APOBEC4: variants seen among roughly 807,000 people sequenced by gnomAD.
APOBEC4 encodes the protein putative deaminase APOBEC-4.
For synonymous variants in APOBEC4, 141 were observed against 154.2 expected (o/e 0.91, Z 0.63); for missense variants, 375 against 441.2 (o/e 0.85, Z 1.34).
rs2101992295 is a variant in APOBEC4, at chr1:183,648,644, T to A, written c.138A>T (p.Thr46=). The change falls in exon 2 of 2, where the codon ACA becomes ACT. Residue 46 remains threonine (T), a synonymous_variant. Transcript: ENST00000308641. ...GGAATCCAAAAATCTGACAAAATTC[T>A]GTGAGGGAAACTCTTGCTTCTTCAC... The part of the protein sequence containing the change: ...RTGEEARVSL[T]EFCQIFGFPY... 1 of 1,614,230 alleles carries A rather than the reference T, an allele frequency of 6.2e-7. No individual in the cohort carries two copies. Among genetic ancestry groups the A allele is most frequent in the Non-Finnish European group, 8.5e-7 (1 of 1,180,024 alleles).
intron 1 of APOBEC4, among the ~76,000 whole-genome samples, chr1:183,650,575 C>A (rs2101997733): frequency 6.6e-6 from 1 of 152,156 alleles, no homozygotes; most frequent in South Asian, 2.1e-4. Context: ...ATATTCATGG[C>A]TAATTAGTTT....
rs774786631 is a variant in APOBEC4, at chr1:183,648,794, T to C, written c.-13A>G. ...ATATGGGCTCCATTGCTAGATTTAC[T>C]GTCTTCTAGCTGCAAACCTAAACAA... On this transcript the variant is annotated 5_prime_UTR_variant, in exon 2 of 2. Transcript: ENST00000308641. 3.8e-6 allele frequency: 6 copies of C among 1,564,900 alleles called. No homozygotes were observed. The East Asian group carries it at 1.4e-4, about 35-fold the overall frequency.
intron 1 of APOBEC4, among the ~76,000 whole-genome samples, chr1:183,652,453 C>A (rs1208450028): frequency 2.0e-5 from 3 of 152,204 alleles, no homozygotes; most frequent in African/African-American, 7.2e-5. Context: ...TCTTTCTGGG[C>A]TTGTTCTTTG....
In APOBEC4 at chr1:183,648,659, TG is replaced by T. The variant is rs776474653; in HGVS notation, c.122del (p.Ala41GlufsTer31). ...GACAAAATTCTGTGAGGGAAACTCT[TG>T]CTTCTTCACCTGTTCGAATATGGTA... The part of the protein sequence containing the change: ...CPYHIRTGEE[A>X]RVSLTEFCQI... On this transcript the variant is annotated frameshift_variant, in exon 2 of 2. Transcript: ENST00000308641. LOFTEE classifies it low-confidence loss of function (END_TRUNC). The T allele has an allele frequency of 6.2e-7, 1 of 1,614,240 alleles. No homozygotes were observed. Among genetic ancestry groups the T allele is most frequent in the South Asian group, 1.1e-5 (1 of 91,092 alleles).
At chr1:183,649,902 T>G (rs944186595) in intron 1 of APOBEC4, among the ~76,000 whole-genome samples, 2 of 152,260 alleles carry the variant, frequency 1.3e-5, no homozygotes, top group East Asian at 3.9e-4. Flanking sequence ...GCCCCAACCT[T>G]CCGGGCTCAA....
Position 183,648,225 on chromosome 1 carries a change from A to G in APOBEC4, c.557T>C (p.Leu186Ser), listed in dbSNP as rs763912386. The stretch of plus-strand genomic sequence containing the variant: ...CCAGATCCCACCACTTATTGGACTC[A>G]AAACAACCCGCGGCCATAAGCTGGC... ...SLASLWPRVV[L>S]SPISGGIWHS... The change falls in exon 2 of 2, where the codon TTG becomes TCG. Residue 186 changes from leucine (L) to serine (S), a missense_variant. Leu to Ser is a moderately radical substitution (Grantham distance 145). Transcript: ENST00000308641. 2.5e-6 allele frequency: 4 copies of G among 1,614,232 alleles called. No homozygotes were observed. The highest frequency in any genetic ancestry group is 3.4e-6 in the Non-Finnish European group (4 of 1,180,050).
rs1191236791 is a variant in APOBEC4, at chr1:183,653,121, G to A, written c.-80C>T. ...TCACATTCCAGGTGTTAGAAGAGAT[G>A]GTCCATTTCCTTTTTTTTCTCCTTT... On this transcript the variant is annotated 5_prime_UTR_variant, in exon 1 of 2. Coordinates refer to ENST00000308641, the MANE Select transcript of APOBEC4 (RefSeq NM_203454.3). 6.6e-6 allele frequency: 1 copy of A among 152,002 alleles called. No homozygotes were observed. The highest frequency in any genetic ancestry group is 1.5e-5 in the Non-Finnish European group (1 of 68,026). The allele number at this position is 152,002 out of a possible 1,614,324, so 9.4% of individuals were successfully genotyped here.
rs939792947 is a variant in APOBEC4, at chr1:183,646,384, G to A, written c.*1294C>T. 3 of 151,568 alleles carry A rather than the reference G, an allele frequency of 2.0e-5. No individual in the cohort carries two copies. Among genetic ancestry groups the A allele is most frequent in the Non-Finnish European group, 4.4e-5 (3 of 67,916 alleles). 9.4% of individuals were successfully genotyped at this position (151,568 alleles called of 1,614,324 possible). ...CTTATGGAGTATTAAATGTTTTAAT[G>A]TCATGGCAAACTCTTTTATTAGCTT... On this transcript the variant is annotated 3_prime_UTR_variant, in exon 2 of 2. Coordinates refer to ENST00000308641, the MANE Select transcript of APOBEC4 (RefSeq NM_203454.3).
chr1:183,651,828 A>C (rs1052546017), intron 1 of APOBEC4, among the ~76,000 whole-genome samples: 1 of 152,156 alleles, frequency 6.6e-6, no homozygotes, highest in African/African-American at 2.4e-5. Flanking sequence ...TTGGAACCTG[A>C]CGCCATTTCC....
chr1:183,652,353 G>A (rs1650822775), intron 1 of APOBEC4, among the ~76,000 whole-genome samples: 1 of 152,178 alleles, frequency 6.6e-6, no homozygotes, highest in Non-Finnish European at 1.5e-5. Flanking sequence ...ACACATAGTG[G>A]AGGGAGCTCT....
intron 1 of APOBEC4, among the ~76,000 whole-genome samples, chr1:183,652,184 A>G (rs1650809165): frequency 6.6e-6 from 1 of 152,260 alleles, no homozygotes; most frequent in Non-Finnish European, 1.5e-5. Context: ...TTTGGGAAAC[A>G]AAAGTCTTTG....
chr1:183,649,795 T>C (rs1367219322), intron 1 of APOBEC4, among the ~76,000 whole-genome samples: 2 of 152,212 alleles, frequency 1.3e-5, no homozygotes, highest in Admixed American at 6.5e-5. Context: ...TCGTTGTTCC[T>C]ATAATGCTCT....
At chr1:183,652,943 T>C (rs1650873042) in intron 1 of APOBEC4, 129 bp downstream of exon 1, 1 of 152,198 alleles carries the variant, frequency 6.6e-6, no homozygotes, top group Non-Finnish European at 1.5e-5. Context: ...CTCATTTCAC[T>C]CAACTAGGAT....
rs1650443550 is a variant in APOBEC4 at position 183,648,154 on chromosome 1, C to T, written c.628G>A (p.Val210Ile). ...SFISGVSGSH[V>I]FQPILTGRAL... Reference sequence around the variant, plus strand: ...CTCCCAGTTAAAATGGGCTGAAAAACATGTGATCCTGAGACACCACTTATA... The same window carrying T: ...CTCCCAGTTAAAATGGGCTGAAAAATATGTGATCCTGAGACACCACTTATA... Residue 210 changes from valine to isoleucine, a missense_variant, in exon 2 of 2, where the codon GTT (valine) becomes ATT (isoleucine). Val to Ile is a conservative substitution (Grantham distance 29). Coordinates refer to ENST00000308641, the MANE Select transcript of APOBEC4 (RefSeq NM_203454.3). 6.2e-7 allele frequency: 1 copy of T among 1,614,190 alleles called. No individual in the cohort carries two copies. Among genetic ancestry groups the T allele is most frequent in the Non-Finnish European group, 8.5e-7 (1 of 1,180,022 alleles).
chr1:183,650,867 A>G (rs1239061139), intron 1 of APOBEC4, among the ~76,000 whole-genome samples: 1 of 152,034 alleles, frequency 6.6e-6, no homozygotes, highest in African/African-American at 2.4e-5. Context: ...TGTTGCTATA[A>G]TGTGTGCCTT....
At chr1:183,651,112 T>C (rs748423361) in intron 1 of APOBEC4, among the ~76,000 whole-genome samples, 16 of 152,224 alleles carry the variant, frequency 1.1e-4, no homozygotes, top group Non-Finnish European at 2.2e-4. Context: ...CACCAAATTT[T>C]ACATTTTTAT....
chr1:183,648,558 G>A lies in APOBEC4; in HGVS notation c.224C>T (p.Ser75Phe), dbSNP rs16861394. The change falls in exon 2 of 2, where the codon TCT becomes TTT. Residue 75 changes from serine (S) to phenylalanine (F), a missense_variant. Physicochemically the swap from Ser to Phe is radical, Grantham distance 155. Coordinates refer to ENST00000308641, the MANE Select transcript of APOBEC4 (RefSeq NM_203454.3). ...ATGGCCCTTTTGCACCAGGCTACCA[G>A]AAGAAGTTTTTAGTTCATAAAATGT... is the stretch of plus-strand genomic sequence containing the variant. Reference protein sequence around the residue: ...HLTFYELKTSSGSLVQKGHAS... With the variant: ...HLTFYELKTSFGSLVQKGHAS... The A allele has an allele frequency of 0.038, 61,486 of 1,614,102 alleles. 2,038 individuals are homozygous for A. Among genetic ancestry groups the A allele is most frequent in the African/African-American group, 0.17 (12,507 of 75,020 alleles).
rs1446178923 is a variant in APOBEC4 at position 183,647,148 on chromosome 1, C to G, written c.*530G>C. ...TAGCTATATGTAATCAGCAGAAGAG[C>G]TTTTTCCCACACAAAACTATTTTGA... is the stretch of plus-strand genomic sequence containing the variant. On this transcript the variant is annotated 3_prime_UTR_variant, in exon 2 of 2. Transcript: ENST00000308641. The G allele has an allele frequency of 6.5e-6, 1 of 152,828 alleles. No individual in the cohort carries two copies. The highest frequency in any genetic ancestry group is 2.0e-4 in the South Asian group (1 of 4,882). The allele number at this position is 152,828 out of a possible 1,614,324, so 9.5% of individuals were successfully genotyped here.
rs10911388 is a variant in APOBEC4, at chr1:183,647,646, G to T, written c.*32C>A. 56,241 of 1,545,304 alleles carry T rather than the reference G, an allele frequency of 0.036. 1,698 individuals carry two copies. Among genetic ancestry groups the T allele is most frequent in the African/African-American group, 0.15 (10,618 of 72,412 alleles). The stretch of plus-strand genomic sequence containing the variant: ...TATTGCCTATCTAATAAGTCCCTTG[G>T]TAATTGGTTTCATGCTGTAGGAATG... On this transcript the variant is annotated 3_prime_UTR_variant, in exon 2 of 2. Transcript: ENST00000308641.
Sources: gnomAD v4.1 joint callset for allele counts (sites outside exome capture counted in the v4.1 genomes callset) on GRCh38, gnomAD v4.1.1 for gene constraint, MANE v1.5 for transcripts, NCBI Gene and HGNC (gene_info 2026-07-23, HGNC 2026-07-21) for gene names.